Variants in PDE1A observed in about 807,000 individuals in gnomAD.
The protein encoded by PDE1A is phosphodiesterase 1A.
A neutral mutation model predicts 61.7 loss-of-function variants in PDE1A; 35 were observed. The observed-to-expected ratio is 0.57, with a 90% confidence interval of 0.43 to 0.75. The LOEUF (loss-of-function observed/expected upper bound fraction) is 0.75. Ranked by LOEUF, PDE1A falls within the 30% of genes least tolerant of loss-of-function variation. PDE1A has a pLI of 0.00. For synonymous variants in PDE1A, 232 were observed against 213.2 expected (o/e 1.09, Z -0.77); for missense variants, 597 against 630.6 (o/e 0.95, Z 0.57).
chr2:182,637,562 G>A, the PDE1A span, among the ~76,000 whole-genome samples: 8 of 152,260 alleles, frequency 5.3e-5, no homozygotes, highest in African/African-American at 1.9e-4. Flanking sequence ...AAATACCAAT[G>A]ATGAAGGTTA....
At chr2:182,600,793 CT>C in the PDE1A span, among the ~76,000 whole-genome samples, 1 of 152,182 alleles carries the variant, frequency 6.6e-6, no homozygotes, top group African/African-American at 2.4e-5. Flanking sequence ...AATAATTCTT[CT>C]TCCTATATCC....
intron 1 of PDE1A, among the ~76,000 whole-genome samples, chr2:182,377,613 A>C (rs986461675): frequency 6.6e-5 from 10 of 152,190 alleles, no homozygotes; most frequent in Admixed American, 2.6e-4. Flanking sequence ...CAATTTTAGA[A>C]GTTAGTTTGG....
chr2:182,391,850 C>T (rs368778482), intron 1 of PDE1A, among the ~76,000 whole-genome samples: 2 of 152,156 alleles, frequency 1.3e-5, no homozygotes, highest in African/African-American at 2.4e-5. Context: ...CGGAGGCCTG[C>T]TGTATTCTTA....
intron 1 of PDE1A, among the ~76,000 whole-genome samples, chr2:182,286,597 T>C (rs1694180978): frequency 6.6e-6 from 1 of 152,180 alleles, no homozygotes. Flanking sequence ...ATGATGTCAC[T>C]ATTTTCAATA....
the PDE1A span, among the ~76,000 whole-genome samples, chr2:182,613,426 G>A: frequency 6.6e-6 from 1 of 151,976 alleles, no homozygotes; most frequent in East Asian, 1.9e-4. Context: ...AGCCGGGCAT[G>A]GTGATGGGCA....
the PDE1A span, among the ~76,000 whole-genome samples, chr2:182,562,516 C>G: frequency 3.3e-3 from 508 of 151,686 alleles, 9 homozygotes; most frequent in African/African-American, 0.012. Context: ...CTAAAATTCT[C>G]TTTTTTGGTT....
At chr2:182,390,687 C>T (rs1701369475) in intron 1 of PDE1A, among the ~76,000 whole-genome samples, 1 of 152,290 alleles carries the variant, frequency 6.6e-6, no homozygotes, top group Admixed American at 6.5e-5. Context: ...AAAAGGTGCA[C>T]ACTCAGCCTC....
At chr2:182,459,082 T>G (rs187779756) in intron 2 of PDE1A, among the ~76,000 whole-genome samples, 16 of 152,270 alleles carry the variant, frequency 1.1e-4, no homozygotes, top group Admixed American at 9.8e-4. Context: ...TTTAATACAT[T>G]TGGTTTATCA....
At chr2:182,444,539 A>G (rs1295204248) in intron 2 of PDE1A, among the ~76,000 whole-genome samples, 1 of 152,102 alleles carries the variant, frequency 6.6e-6, no homozygotes, top group African/African-American at 2.4e-5. Context: ...TAATAAATGC[A>G]TATCTATATT....
intron 1 of PDE1A, among the ~76,000 whole-genome samples, chr2:182,279,040 A>G (rs1317557598): frequency 6.6e-6 from 1 of 151,976 alleles, no homozygotes; most frequent in Admixed American, 6.6e-5. Flanking sequence ...ACTCTTATAA[A>G]TTATGTTCTT....
the PDE1A span, among the ~76,000 whole-genome samples, chr2:182,656,891 T>C: frequency 6.6e-6 from 1 of 152,136 alleles, no homozygotes; most frequent in African/African-American, 2.4e-5. Flanking sequence ...TTATCTATGT[T>C]TTCTAAATTC....
chr2:182,312,278 C>CA (rs1696031276), intron 1 of PDE1A, among the ~76,000 whole-genome samples: 1 of 152,044 alleles, frequency 6.6e-6, no homozygotes, highest in East Asian at 1.9e-4. Context: ...TTTCAAGGAG[C>CA]AAACCTTTGT....
At chr2:182,393,500 TTGCTTATGCAAA>T (rs1250628754) in intron 1 of PDE1A, among the ~76,000 whole-genome samples, 1 of 152,236 alleles carries the variant, frequency 6.6e-6, no homozygotes, top group African/African-American at 2.4e-5. Flanking sequence ...TGGCTCCTCA[TTGCTTATGCAAA>T]TTTTTGCAGC....
chr2:182,404,672 A>G (rs1702201643), intron 1 of PDE1A, among the ~76,000 whole-genome samples: 1 of 152,124 alleles, frequency 6.6e-6, no homozygotes, highest in Non-Finnish European at 1.5e-5. Flanking sequence ...TTTTGTGTAA[A>G]AACTAAGATA....
chr2:182,527,328 ATATATATATATAT>A (rs1280139822), upstream of PDE1A, among the ~76,000 whole-genome samples: 101 of 9,180 alleles, frequency 0.011, 8 homozygotes, highest in African/African-American at 0.015. Flanking sequence ...AAAAAAAAAA[ATATATATATATAT>A]ATATATATAT....
intron 2 of PDE1A, among the ~76,000 whole-genome samples, chr2:182,512,511 C>G (rs1210517688): frequency 1.3e-5 from 2 of 152,166 alleles, no homozygotes; most frequent in African/African-American, 4.8e-5. Flanking sequence ...AAGAAAGAAA[C>G]AATGCAAGAA....
the PDE1A span, among the ~76,000 whole-genome samples, chr2:182,656,915 T>C: frequency 6.6e-6 from 1 of 152,154 alleles, no homozygotes; most frequent in Non-Finnish European, 1.5e-5. Context: ...ACAGTAAAAA[T>C]GTATTATATG....
At chr2:182,512,866 C>A (rs1488485497) in intron 2 of PDE1A, among the ~76,000 whole-genome samples, 2 of 152,110 alleles carry the variant, frequency 1.3e-5, no homozygotes, top group Non-Finnish European at 2.9e-5. Flanking sequence ...AGCTCAAAGT[C>A]CGATTCCTTG....
downstream of PDE1A, among the ~76,000 whole-genome samples, chr2:182,166,085 G>A (rs995470403): frequency 1.3e-5 from 2 of 152,036 alleles, no homozygotes; most frequent in Non-Finnish European, 2.9e-5. Context: ...GATTAGGTGT[G>A]GTTTAAAGAG....
Sources: allele counts gnomAD v4.1 joint callset (sites outside exome capture counted in the v4.1 genomes callset), GRCh38; gene constraint gnomAD v4.1.1; transcripts MANE v1.5; gene names NCBI Gene and HGNC (gene_info 2026-07-23, HGNC 2026-07-21).